DPYSL3: variants seen among roughly 807,000 people sequenced by gnomAD.
DPYSL3 encodes the protein dihydropyrimidinase-related protein 3.
A neutral mutation model predicts 66.1 loss-of-function variants in DPYSL3; 16 were observed. The ratio of observed to expected loss-of-function variants is 0.24; its 90% CI spans 0.16 to 0.37. The LOEUF is 0.37. Among genes scored for constraint, DPYSL3 ranks in the 10% least tolerant of loss-of-function variants. The pLI is 1.00. For synonymous variants in DPYSL3, 338 were observed against 345.1 expected (o/e 0.98, Z 0.23); for missense variants, 738 against 916.2 (o/e 0.81, Z 2.51).
chr5:147,493,979 G>T (rs977317328), intron 1 of DPYSL3, among the ~76,000 whole-genome samples: 1 of 151,974 alleles, frequency 6.6e-6, no homozygotes, highest in Non-Finnish European at 1.5e-5. Flanking sequence ...GATCACTTGA[G>T]CTCAGGAGTT....
chr5:147,458,330 C>T (rs1334592528), intron 1 of DPYSL3, among the ~76,000 whole-genome samples: 1 of 152,180 alleles, frequency 6.6e-6, no homozygotes, highest in Non-Finnish European at 1.5e-5. Flanking sequence ...GCTACACTCC[C>T]ACCAGCGCCA....
chr5:147,414,010 C>T lies in DPYSL3; in HGVS notation c.821-353G>A, dbSNP rs891423682. 3.9e-5 allele frequency among the ~76,000 whole-genome samples: 6 copies of T among 152,282 alleles called. No individual in the cohort carries two copies. The East Asian group carries it at 9.6e-4, about 24-fold the overall frequency. On this transcript the variant is annotated intron_variant, in intron 4 of 13. Transcript: ENST00000343218. The stretch of plus-strand genomic sequence containing the variant: ...CTCTAGCACACCAGTTGTGTTCATA[C>T]CCTGGGGGCTGCACCACTGAAATCC...
chr5:147,444,141 G>A (rs1012964594), intron 1 of DPYSL3, among the ~76,000 whole-genome samples: 6 of 152,078 alleles, frequency 3.9e-5, no homozygotes, highest in African/African-American at 9.7e-5. Flanking sequence ...TTATCCCTCC[G>A]GAGGGATAAT....
chr5:147,394,765 A>G (rs1365175209), intron 13 of DPYSL3, among the ~76,000 whole-genome samples: 1 of 151,904 alleles, frequency 6.6e-6, no homozygotes, highest in Non-Finnish European at 1.5e-5. Flanking sequence ...TCCAAACTTT[A>G]AACTCTTTTC....
chr5:147,458,281 C>T (rs1158417437), intron 1 of DPYSL3, among the ~76,000 whole-genome samples: 1 of 152,164 alleles, frequency 6.6e-6, no homozygotes. Flanking sequence ...CCCACCAAAA[C>T]CAAGATGGCG....
intron 1 of DPYSL3, among the ~76,000 whole-genome samples, chr5:147,467,763 A>G (rs1331807660): frequency 1.3e-5 from 2 of 152,228 alleles, no homozygotes; most frequent in East Asian, 1.9e-4. Context: ...TCCTGCTGCT[A>G]TAACAAAATA....
At chr5:147,504,324 A>T (rs1753655576) in intron 1 of DPYSL3, among the ~76,000 whole-genome samples, 2 of 152,236 alleles carry the variant, frequency 1.3e-5, no homozygotes, top group Admixed American at 1.3e-4. Flanking sequence ...CGTATTTTTT[A>T]TGTTCCTCAA....
chr5:147,424,828 G>T, intron 2 of DPYSL3, 47 bp downstream of exon 2: 2 of 1,363,658 alleles, frequency 1.5e-6, no homozygotes, highest in Non-Finnish European at 2.1e-6. Context: ...AGCCATTAAT[G>T]AAGGAGGAAG....
intron 1 of DPYSL3, among the ~76,000 whole-genome samples, chr5:147,460,844 G>A (rs1215613126): frequency 6.6e-6 from 1 of 152,162 alleles, no homozygotes; most frequent in Non-Finnish European, 1.5e-5. Context: ...CAGTAGGAAG[G>A]ACCCTGCAAC....
At chr5:147,502,800 T>G (rs1180018535) in intron 1 of DPYSL3, among the ~76,000 whole-genome samples, 1 of 152,112 alleles carries the variant, frequency 6.6e-6, no homozygotes, top group Admixed American at 6.6e-5. Context: ...ATGATCTCGA[T>G]CTCATGACCT....
At position 147,424,946 on chromosome 5, in the gene DPYSL3, G is replaced by A; in HGVS notation, c.399C>T (p.Ile133=). The A allele has an allele frequency of 6.2e-7, 1 of 1,612,904 alleles. No individual in the cohort carries two copies. Among genetic ancestry groups the A allele is most frequent in the Non-Finnish European group, 8.5e-7 (1 of 1,179,308 alleles). Residue 133 remains isoleucine, a synonymous_variant, in exon 2 of 14, where the codon ATC becomes ATT. Transcript: ENST00000343218. Reference sequence around the variant, plus strand: ...CATCATTGACGATTCTGCCTCCCTTGATAAGGAGACGGTCACTCTAGAAAA... The same window carrying A: ...CATCATTGACGATTCTGCCTCCCTTAATAAGGAGACGGTCACTCTAGAAAA... ...GPKDKSDRLL[I]KGGRIVNDDQ... is the part of the protein sequence containing the mutation.
intron 1 of DPYSL3, among the ~76,000 whole-genome samples, chr5:147,430,541 G>T (rs1032622641): frequency 1.3e-5 from 2 of 148,320 alleles, no homozygotes; most frequent in Non-Finnish European, 3.0e-5. Flanking sequence ...AAAGGAAAAA[G>T]AAAAAAGAAA....
At chr5:147,400,664 C>T in intron 10 of DPYSL3, 28 bp downstream of exon 10, 1 of 1,608,394 alleles carries the variant, frequency 6.2e-7, no homozygotes, top group Middle Eastern at 1.7e-4. Context: ...TTGGCTCTGG[C>T]CACCCTCCCA....
intron 2 of DPYSL3, among the ~76,000 whole-genome samples, chr5:147,419,027 T>C (rs1037639374): frequency 2.0e-5 from 3 of 152,194 alleles, no homozygotes; most frequent in African/African-American, 7.2e-5. Context: ...AATAGTGCAC[T>C]GTTAGAAGAG....
intron 1 of DPYSL3, among the ~76,000 whole-genome samples, chr5:147,445,989 G>T (rs537246057): frequency 6.6e-6 from 1 of 152,312 alleles, no homozygotes; most frequent in East Asian, 1.9e-4. Context: ...GATTTTAAGT[G>T]TAAAAAGCAA....
chr5:147,480,197 T>A (rs1006575008), intron 1 of DPYSL3, among the ~76,000 whole-genome samples: 2 of 152,226 alleles, frequency 1.3e-5, no homozygotes, highest in Non-Finnish European at 2.9e-5. Context: ...CCTGCCAGCA[T>A]CACTCCTGTA....
At chr5:147,440,545 C>A (rs1050148688) in intron 1 of DPYSL3, among the ~76,000 whole-genome samples, 1 of 152,162 alleles carries the variant, frequency 6.6e-6, no homozygotes, top group African/African-American at 2.4e-5. Context: ...GTCTTCACGG[C>A]CCACGGCACA....
At chr5:147,418,421 G>C in intron 3 of DPYSL3, 26 bp downstream of exon 3, 1 of 1,577,828 alleles carries the variant, frequency 6.3e-7, no homozygotes, top group Non-Finnish European at 8.6e-7. Flanking sequence ...CTGAGAAACA[G>C]GAGTGTGTAA....
intron 8 of DPYSL3, 137 bp downstream of exon 8, chr5:147,405,473 C>T (rs1362153961): frequency 1.7e-6 from 2 of 1,190,670 alleles, no homozygotes; most frequent in Non-Finnish European, 2.3e-6. Context: ...CCCATCCACA[C>T]AGGATGTGGA....
Sources: gnomAD v4.1 joint callset for allele counts (sites outside exome capture counted in the v4.1 genomes callset) on GRCh38, gnomAD v4.1.1 for gene constraint, MANE v1.5 for transcripts, NCBI Gene and HGNC (gene_info 2026-07-23, HGNC 2026-07-21) for gene names.